PKM: variants seen among roughly 807,000 people sequenced by gnomAD.
PKM encodes the protein pyruvate kinase M1/2, also known as pyruvate kinase PKM.
PKM carries 18 observed loss-of-function variants against 49.8 expected under a neutral mutation model. The observed-to-expected ratio is 0.36, with a 90% CI of 0.25 to 0.54. PKM has a LOEUF of 0.54. Among genes scored for constraint, PKM ranks in the 20% least tolerant of loss-of-function variants. The probability of loss-of-function intolerance (pLI) is 0.89; values close to 1 mark genes in which losing one functional copy is unlikely to be tolerated. For synonymous variants in PKM, 239 were observed against 261.8 expected (o/e 0.91, Z 0.84); for missense variants, 508 against 713.8 (o/e 0.71, Z 3.28).
intron 5 of PKM, 159 bp from the exon 6 acceptor site, chr15:72,209,050 G>C (rs1056516382): frequency 2.3e-5 from 17 of 750,068 alleles, no homozygotes; most frequent in Non-Finnish European, 3.6e-5. Context: ...GTGTAATCCT[G>C]GGCAAGCCAT....
Position 72,228,664 on chromosome 15 carries a change from ATACGT to A in PKM, c.-14+2447_-14+2451del, listed in dbSNP as rs748244844. 3.7e-5 allele frequency: 47 copies of A among 1,278,902 alleles called. No homozygotes were observed. In the African/African-American group the frequency reaches 4.7e-4, roughly 13 times the overall value. 79.2% of individuals were successfully genotyped at this position (1,278,902 alleles called of 1,614,324 possible). A position where few individuals can be genotyped will look rare whatever the true frequency, so the allele number is the denominator to read the frequency against. On this transcript the variant is annotated intron_variant, in intron 1 of 10. Transcript: ENST00000335181. ...GCCCCACTCCCCCACAGATTTGGTG[ATACGT>A]TACATTTCCCTTCCCCACAAGACAG...
chr15:72,226,028 G>T (rs2082658803), intron 1 of PKM, among the ~76,000 whole-genome samples: 1 of 152,168 alleles, frequency 6.6e-6, no homozygotes, highest in East Asian at 1.9e-4. Context: ...GGTGACATTT[G>T]TTTTTCTGCT....
In PKM at chr15:72,229,591, T is replaced by C. The variant is rs1293993958; in HGVS notation, c.-14+1525A>G. The C allele has an allele frequency of 3.9e-6, 5 of 1,286,718 alleles. No individual in the cohort carries two copies. In the Admixed American group the frequency reaches 1.1e-4, roughly 30 times the overall value. 79.7% of individuals were successfully genotyped at this position (1,286,718 alleles called of 1,614,324 possible). A position where few individuals can be genotyped will look rare whatever the true frequency, so the allele number is the denominator to read the frequency against. On this transcript the variant is annotated intron_variant, in intron 1 of 10. Coordinates refer to ENST00000335181, the MANE Select transcript of PKM (RefSeq NM_002654.6). Reference sequence around the variant, plus strand: ...ATCTTCAGACTGGAAGGTGCTTTCCTGCATCTTCTAATCCAGTGTGCTTGC... The same window carrying C: ...ATCTTCAGACTGGAAGGTGCTTTCCCGCATCTTCTAATCCAGTGTGCTTGC...
intron 3 of PKM, 126 bp from the exon 4 acceptor site, chr15:72,210,604 T>A: frequency 1.9e-6 from 2 of 1,028,178 alleles, no homozygotes; most frequent in South Asian, 2.7e-5. Context: ...TCTATCTCCA[T>A]CCTCAGCACG....
At chr15:72,217,379 C>G in intron 3 of PKM, 30 bp downstream of exon 3, 15 of 1,362,544 alleles carry the variant, frequency 1.1e-5, no homozygotes, top group Non-Finnish European at 1.6e-5. Context: ...CAGGCCATCA[C>G]AATGGCCATA....
rs11432818 is a variant in PKM, at chr15:72,223,918, T to TAA, written c.-13-4810_-13-4809dup. On this transcript the variant is annotated intron_variant, in intron 1 of 10. Transcript: ENST00000335181. ...AGGTTCTAGTAAAATTCCCTGGCTT[T>TAA]AAAAAAAAAAAAAAAATCTTGGCTC... Among the ~76,000 whole-genome samples, 161 of 140,330 alleles carry TAA rather than the reference T, an allele frequency of 1.1e-3. 1 individual carries two copies. Among genetic ancestry groups the TAA allele is most frequent in the South Asian group, 2.3e-3 (10 of 4,302 alleles). 92.1% of individuals were successfully genotyped at this position (140,330 alleles called of 152,430 possible).
At position 72,200,147 on chromosome 15, in the gene PKM, AAAC is replaced by A. The variant is rs2081905140; in HGVS notation, c.1489+324_1489+326del. 6.6e-6 allele frequency among the ~76,000 whole-genome samples: 1 copy of A among 152,080 alleles called. No individual in the cohort carries two copies. Among genetic ancestry groups the A allele is most frequent in the South Asian group, 2.1e-4 (1 of 4,832 alleles). ...CAATTTTATTTAAAAAAAAAACAAA[AAAC>A]AAAAAAAACTCTCAGTAATGAGCAG... On this transcript the variant is annotated intron_variant, in intron 10 of 10. Transcript: ENST00000335181. This position sits in a 1 kb window ranked among gnomAD's most constrained non-coding sequence, Gnocchi z 4.6.
intron 6 of PKM, among the ~76,000 whole-genome samples, chr15:72,207,588 G>A (rs1480957996): frequency 6.6e-6 from 1 of 152,186 alleles, no homozygotes; most frequent in Non-Finnish European, 1.5e-5. Context: ...GCATGTTAGG[G>A]GTCTCTCTAG....
At chr15:72,225,896 T>A (rs1446178004) in intron 1 of PKM, among the ~76,000 whole-genome samples, 6 of 152,250 alleles carry the variant, frequency 3.9e-5, no homozygotes. Flanking sequence ...TGTTTATTTC[T>A]ATTTTTACTA....
chr15:72,206,914 T>C (rs2082097948), intron 7 of PKM, 34 bp from the exon 8 acceptor site: 1 of 1,612,120 alleles, frequency 6.2e-7, no homozygotes, highest in Non-Finnish European at 8.5e-7. Flanking sequence ...GAGATGTAGC[T>C]TGAGCTGTCT....
intron 3 of PKM, among the ~76,000 whole-genome samples, chr15:72,216,710 A>C (rs895973030): frequency 4.6e-5 from 7 of 152,256 alleles, no homozygotes; most frequent in African/African-American, 1.7e-4. Context: ...CAATGGAGGC[A>C]GGAATGGAGC....
intron 5 of PKM, 151 bp from the exon 6 acceptor site, chr15:72,209,042 G>A: frequency 1.3e-6 from 1 of 782,410 alleles, no homozygotes; most frequent in Non-Finnish European, 2.1e-6. Flanking sequence ...ACTACACTGT[G>A]TAATCCTGGG....
rs1244562402 is a variant in PKM, at chr15:72,199,099, T to A, written c.*551A>T. The A allele has an allele frequency of 1.4e-5, 4 of 277,562 alleles. No individual in the cohort carries two copies. The East Asian group carries it at 4.1e-4, about 28-fold the overall frequency. The allele number at this position is 277,562 out of a possible 1,614,324, so 17.2% of individuals were successfully genotyped here. A position where few individuals can be genotyped will look rare whatever the true frequency, so the allele number is the denominator to read the frequency against. ...AACAGGCCTGGAGGTGCTGCAGTAG[T>A]GGGGGAAAATGGAAGGTGGAGGGTG... On this transcript the variant is annotated 3_prime_UTR_variant, in exon 11 of 11. Transcript: ENST00000335181.
At position 72,227,764 on chromosome 15, in the gene PKM, A is replaced by C. The variant is rs960053581; in HGVS notation, c.-14+3352T>G. On this transcript the variant is annotated intron_variant, in intron 1 of 10. Coordinates refer to ENST00000335181, the MANE Select transcript of PKM (RefSeq NM_002654.6). ...TATCTCAAAAAAAAAAAAAAAAAAA[A>C]AAAAAAAAAACAAAAAACTGAAGCA... Among the ~76,000 whole-genome samples, 47 of 135,408 alleles carry C rather than the reference A, an allele frequency of 3.5e-4. 1 individual carries two copies. In the East Asian group the frequency reaches 3.9e-3, roughly 11 times the overall value. The allele number at this position is 135,408 out of a possible 152,430, so 88.8% of individuals were successfully genotyped here. A position where few individuals can be genotyped will look rare whatever the true frequency, so the allele number is the denominator to read the frequency against.
chr15:72,199,577 A>C lies in PKM; in HGVS notation c.*73T>G, dbSNP rs1168897728. On this transcript the variant is annotated 3_prime_UTR_variant, in exon 11 of 11. Coordinates refer to ENST00000335181, the MANE Select transcript of PKM (RefSeq NM_002654.6). ...GTTACAGCCCAGAGTGAGTTCTACA[A>C]GCGTTGCTGGCCTAATGGATGGGCT... The C allele has an allele frequency of 9.6e-7, 1 of 1,038,136 alleles. No individual in the cohort carries two copies. The highest frequency in any genetic ancestry group is 1.3e-5 in the South Asian group (1 of 76,900). 64.3% of individuals were successfully genotyped at this position (1,038,136 alleles called of 1,614,324 possible). A position where few individuals can be genotyped will look rare whatever the true frequency, so the allele number is the denominator to read the frequency against.
Position 72,200,550 on chromosome 15 carries a change from A to G in PKM, c.1413T>C (p.Pro471=). 6.2e-7 allele frequency: 1 copy of G among 1,614,036 alleles called. No individual in the cohort carries two copies. Among genetic ancestry groups the G allele is most frequent in the Non-Finnish European group, 8.5e-7 (1 of 1,179,918 alleles). ...CCTGGACTGGGTCCTTGCACAGCAC[A>G]GGGAAGATGCCACGGTACAGGTGGG... ...RQAHLYRGIF[P]VLCKDPVQEA... The change falls in exon 10 of 11, where the codon CCT becomes CCC. Residue 471 remains proline (P), a synonymous_variant. Coordinates refer to ENST00000335181, the MANE Select transcript of PKM (RefSeq NM_002654.6). This position sits in a 1 kb window ranked among gnomAD's most constrained non-coding sequence, Gnocchi z 4.6.
intron 6 of PKM, among the ~76,000 whole-genome samples, chr15:72,207,624 C>T (rs998418100): frequency 6.6e-6 from 1 of 152,240 alleles, no homozygotes; most frequent in South Asian, 2.1e-4. Flanking sequence ...ATCAGCACTT[C>T]AAGACAGGGA....
At chr15:72,211,125 G>A (rs889373764) in intron 3 of PKM, among the ~76,000 whole-genome samples, 1 of 151,640 alleles carries the variant, frequency 6.6e-6, no homozygotes, top group Non-Finnish European at 1.5e-5. Context: ...GAGTGCAGTG[G>A]CACTATCTAG....
At position 72,207,107 on chromosome 15, in the gene PKM, G is replaced by A; in HGVS notation, c.987+20C>T. On this transcript the variant is annotated intron_variant, in intron 7 of 10. Coordinates refer to ENST00000335181, the MANE Select transcript of PKM (RefSeq NM_002654.6). ...CATGCGAGTGTGCACATGAGAATGT[G>A]GGGAAGGGTGGGCACATGCCTGAGT... 2 of 1,612,758 alleles carry A rather than the reference G, an allele frequency of 1.2e-6. No individual in the cohort carries two copies. Among genetic ancestry groups the A allele is most frequent in the Non-Finnish European group, 1.7e-6 (2 of 1,179,518 alleles).
Sources: allele counts gnomAD v4.1 joint callset (sites outside exome capture counted in the v4.1 genomes callset), GRCh38; gene constraint gnomAD v4.1.1; non-coding constraint Gnocchi (gnomAD v3.1); transcripts MANE v1.5; gene names NCBI Gene and HGNC (gene_info 2026-07-23, HGNC 2026-07-21).